The following ADK variants were observed in gnomAD, a reference collection of about 807,000 sequenced individuals.
ADK encodes N6,N6-dimethyladenosine kinase.
A neutral mutation model predicts 44.7 loss-of-function variants in ADK; 24 were observed. That is an observed-to-expected ratio of 0.54 (90% CI 0.39 to 0.76). The LOEUF (loss-of-function observed/expected upper bound fraction) is 0.76. Among genes scored for constraint, ADK ranks in the 30% least tolerant of loss-of-function variants. The pLI is 0.00. For synonymous variants in ADK, 128 were observed against 142.6 expected, an observed-to-expected ratio of 0.90 and a Z score of 0.73; for missense variants, 321 against 425.1, an observed-to-expected ratio of 0.76 and a Z score of 2.15.
At chr10:74,616,316 C>T (rs1194194929) in intron 9 of ADK, among the ~76,000 whole-genome samples, 6 of 152,050 alleles carry the variant, frequency 3.9e-5, no homozygotes, top group African/African-American at 1.4e-4. Flanking sequence ...TGAAGATACT[C>T]TTCTGTTGTT....
At chr10:74,673,957 G>C (rs1277900071) in intron 10 of ADK, among the ~76,000 whole-genome samples, 1 of 152,148 alleles carries the variant, frequency 6.6e-6, no homozygotes, top group African/African-American at 2.4e-5. Flanking sequence ...TCCAACCGTG[G>C]TCTACAACAT....
At chr10:74,170,769 C>CA (rs1842140779) in intron 1 of ADK, among the ~76,000 whole-genome samples, 1 of 138,468 alleles carries the variant, frequency 7.2e-6, no homozygotes, top group African/African-American at 2.7e-5. Flanking sequence ...CACTGCACTC[C>CA]AGCCTGGGCG....
intron 6 of ADK, among the ~76,000 whole-genome samples, chr10:74,485,368 G>A (rs1847227012): frequency 6.6e-6 from 1 of 151,854 alleles, no homozygotes. Context: ...AGGCTGAGAC[G>A]GGAGTATTGC....
chr10:74,386,790 A>T (rs1843157232), intron 4 of ADK, among the ~76,000 whole-genome samples: 1 of 151,888 alleles, frequency 6.6e-6, no homozygotes, highest in South Asian at 2.1e-4. Flanking sequence ...GTTTTTGTTA[A>T]TATTATATTC....
In ADK at chr10:74,200,973, C is replaced by G. The variant is rs181655767; in HGVS notation, c.140+135C>G. On this transcript the variant is annotated intron_variant, in intron 2 of 10. Coordinates refer to ENST00000539909, the MANE Select transcript of ADK (RefSeq NM_006721.4). ...TCAGGAAATTTAAGTTTGGTGATAG[C>G]AAGTGTGCTATCATTAACTATTGAA... The G allele has an allele frequency of 1.5e-5, 10 of 685,590 alleles. No homozygotes were observed. The Admixed American group carries it at 2.2e-4, about 15-fold the overall frequency. The allele number at this position is 685,590 out of a possible 1,614,324, so 42.5% of individuals were successfully genotyped here.
intron 7 of ADK, among the ~76,000 whole-genome samples, chr10:74,550,352 C>T (rs772001195): frequency 2.6e-5 from 4 of 151,964 alleles, no homozygotes; most frequent in Non-Finnish European, 5.9e-5. Context: ...ATTACAGGTA[C>T]GAGCCACCAC....
chr10:74,605,601 A>G (rs1012147976), intron 9 of ADK, among the ~76,000 whole-genome samples: 1 of 152,158 alleles, frequency 6.6e-6, no homozygotes, highest in Non-Finnish European at 1.5e-5. Context: ...AGCCGACTTG[A>G]TCATGATAGA....
At chr10:74,393,548 C>G (rs982883547) in intron 4 of ADK, among the ~76,000 whole-genome samples, 1 of 152,126 alleles carries the variant, frequency 6.6e-6, no homozygotes, top group Admixed American at 6.5e-5. Context: ...GTATGACAAT[C>G]ATAGTAACAG....
chr10:74,301,300 G>A lies in ADK; in HGVS notation c.195-13367G>A, dbSNP rs35744043. 9.9e-3 allele frequency among the ~76,000 whole-genome samples: 1,501 copies of A among 152,074 alleles called. 91 individuals carry two copies. The highest frequency in any genetic ancestry group is 0.09 in the Admixed American group (1,371 of 15,260). ...GAGGCCGAGGCAGGTGGATCATGAG[G>A]TCAGGAGTTCAAGACCAGTCTGGCC... On this transcript the variant is annotated intron_variant, in intron 3 of 10. Transcript: ENST00000539909.
chr10:74,391,519 A>T (rs1021378869), intron 4 of ADK, among the ~76,000 whole-genome samples: 1 of 151,860 alleles, frequency 6.6e-6, no homozygotes, highest in Non-Finnish European at 1.5e-5. Flanking sequence ...ACATTCTAAT[A>T]TATGTATATA....
At chr10:74,182,137 C>T (rs376310400) in intron 1 of ADK, among the ~76,000 whole-genome samples, 4 of 152,146 alleles carry the variant, frequency 2.6e-5, no homozygotes, top group African/African-American at 4.8e-5. Flanking sequence ...TAAAATCTGG[C>T]TAAGATTGAA....
chr10:74,407,659 G>A (rs1843997386), intron 6 of ADK, among the ~76,000 whole-genome samples: 4 of 152,040 alleles, frequency 2.6e-5, no homozygotes. Context: ...CCAGTACTCT[G>A]CCCCAGCATG....
intron 3 of ADK, among the ~76,000 whole-genome samples, chr10:74,250,997 C>G (rs1424917012): frequency 6.6e-6 from 1 of 152,172 alleles, no homozygotes; most frequent in Non-Finnish European, 1.5e-5. Context: ...CCATCTCAGT[C>G]TCCCAAATTG....
At chr10:74,313,023 A>G (rs1840498104) in intron 3 of ADK, among the ~76,000 whole-genome samples, 1 of 151,474 alleles carries the variant, frequency 6.6e-6, no homozygotes, top group South Asian at 2.1e-4. Flanking sequence ...CAATGTCTGT[A>G]AACTCTATAC....
chr10:74,661,358 G>T (rs1854719381), intron 9 of ADK: 1 of 858,956 alleles, frequency 1.2e-6, no homozygotes, highest in Non-Finnish European at 1.4e-6. Flanking sequence ...TCATTCATTT[G>T]TCCCAAATTC....
At chr10:74,489,422 A>C (rs1188596826) in intron 6 of ADK, among the ~76,000 whole-genome samples, 1 of 152,024 alleles carries the variant, frequency 6.6e-6, no homozygotes, top group Non-Finnish European at 1.5e-5. Context: ...ATAGAATAAC[A>C]GCTCAATGAC....
chr10:74,494,947 A>T (rs1847629616), intron 6 of ADK, among the ~76,000 whole-genome samples: 1 of 152,202 alleles, frequency 6.6e-6, no homozygotes, highest in African/African-American at 2.4e-5. Context: ...GGATTAATAT[A>T]TGGGCTCCAT....
At chr10:74,274,528 AG>A (rs57357554) in intron 3 of ADK, among the ~76,000 whole-genome samples, 151,374 of 151,374 alleles carry the variant, frequency 1, 75,687 homozygotes, top group Non-Finnish European at 1. Flanking sequence ...GCGCCATTGC[AG>A]CTCCAGCCTG....
In ADK at chr10:74,707,986, A is replaced by G. The variant is rs184666285; in HGVS notation, c.965-335A>G. Among the ~76,000 whole-genome samples, 1,028 of 151,896 alleles carry G rather than the reference A, an allele frequency of 6.8e-3. 10 individuals are homozygous for G. Among genetic ancestry groups the G allele is most frequent in the African/African-American group, 0.024 (983 of 41,420 alleles). ...GCCAGCATGGTGAAACCCCATCTCT[A>G]CTGAAACTACAAGAATTAGCTAGGC... is the stretch of plus-strand genomic sequence containing the variant. On this transcript the variant is annotated intron_variant, in intron 10 of 10. Transcript: ENST00000539909.
Sources: gnomAD v4.1 joint callset for allele counts (sites outside exome capture counted in the v4.1 genomes callset) on GRCh38, gnomAD v4.1.1 for gene constraint, MANE v1.5 for transcripts, NCBI Gene and HGNC (gene_info 2026-07-23, HGNC 2026-07-21) for gene names.